The following PICALM variants were observed in gnomAD, a reference collection of about 807,000 sequenced individuals.
PICALM encodes phosphatidylinositol binding clathrin assembly protein.
In PICALM, 40 loss-of-function variants were observed where a neutral mutation model predicts 80.5. That is an observed-to-expected ratio of 0.50 (90% CI 0.39 to 0.65). The LOEUF (loss-of-function observed/expected upper bound fraction) is 0.65. Among genes scored for constraint, PICALM ranks in the 30% least tolerant of loss-of-function variants. The pLI is 0.00. For missense variants in PICALM, 676 were observed against 778.9 expected (o/e 0.87, Z 1.57); for synonymous variants, 288 against 260.3 (o/e 1.11, Z -1.02).
intron 4 of PICALM, among the ~76,000 whole-genome samples, chr11:86,016,748 G>A (rs1238137548): frequency 6.6e-6 from 1 of 152,088 alleles, no homozygotes; most frequent in Non-Finnish European, 1.5e-5. Flanking sequence ...AATCCTCTTA[G>A]CCGTCTCTAA....
rs2135755442 is a variant in PICALM at position 85,983,844 on chromosome 11, T to A, written c.1516+22A>T. The A allele has an allele frequency of 3.1e-6, 3 of 957,184 alleles. No homozygotes were observed. The Admixed American group carries it at 6.2e-5, about 20-fold the overall frequency. 59.3% of individuals were successfully genotyped at this position (957,184 alleles called of 1,614,324 possible). The stretch of plus-strand genomic sequence containing the variant: ...CTAAATTAGGACATTATAATATTTT[T>A]AATAAAATTTTTTTTCCTTACCCCC... On this transcript the variant is annotated intron_variant, in intron 14 of 19. Coordinates refer to ENST00000393346, the MANE Select transcript of PICALM (RefSeq NM_007166.4).
intron 19 of PICALM, chr11:85,960,777 G>C: frequency 7.9e-7 from 1 of 1,271,372 alleles, no homozygotes; most frequent in Non-Finnish European, 1.0e-6. Flanking sequence ...GCTGCCGACA[G>C]CTGGGGGAAA....
intron 3 of PICALM, chr11:86,023,607 A>T: frequency 1.0e-6 from 1 of 980,722 alleles, no homozygotes; most frequent in Non-Finnish European, 1.2e-6. Flanking sequence ...ATCTTAAGAA[A>T]ATGATAAATC....
At chr11:86,049,227 G>A (rs1167622564) in intron 1 of PICALM, among the ~76,000 whole-genome samples, 1 of 152,146 alleles carries the variant, frequency 6.6e-6, no homozygotes, top group Non-Finnish European at 1.5e-5. Context: ...CCAGTGCAGT[G>A]AGCTGAGATT....
chr11:85,975,030 T>C (rs1370429800), intron 18 of PICALM, among the ~76,000 whole-genome samples: 1 of 152,196 alleles, frequency 6.6e-6, no homozygotes, highest in Admixed American at 6.5e-5. Context: ...TTTTAAAATG[T>C]AGTAACAAAG....
chr11:86,033,553 C>T (rs1286207740), intron 1 of PICALM, among the ~76,000 whole-genome samples: 1 of 152,178 alleles, frequency 6.6e-6, no homozygotes, highest in Non-Finnish European at 1.5e-5. Flanking sequence ...ATTAGATAAA[C>T]TTCCCTGAAT....
intron 14 of PICALM, among the ~76,000 whole-genome samples, chr11:85,982,739 T>C (rs1221637335): frequency 6.6e-6 from 1 of 152,096 alleles, no homozygotes; most frequent in Non-Finnish European, 1.5e-5. Flanking sequence ...GACCTTTTTT[T>C]TAAAAGCAGA....
intron 1 of PICALM, among the ~76,000 whole-genome samples, chr11:86,049,104 C>A (rs541311320): frequency 5.9e-5 from 9 of 152,182 alleles, no homozygotes; most frequent in African/African-American, 2.2e-4. Context: ...ACCAGCCTGA[C>A]CAACATGGCA....
At chr11:85,970,197 A>T (rs1436565273) in intron 19 of PICALM, among the ~76,000 whole-genome samples, 3 of 152,226 alleles carry the variant, frequency 2.0e-5, no homozygotes, top group Non-Finnish European at 4.4e-5. Context: ...GACTGGATGG[A>T]TGCCAGGTAG....
At chr11:86,007,458 TG>T (rs2095302392) in intron 8 of PICALM, 83 bp downstream of exon 8, 5 of 775,774 alleles carry the variant, frequency 6.4e-6, no homozygotes, top group African/African-American at 1.8e-5. Context: ...CCTTTGACAA[TG>T]GGGGCTATAT....
intron 16 of PICALM, 107 bp downstream of exon 16, chr11:85,981,638 T>A: frequency 1.3e-6 from 1 of 765,052 alleles, no homozygotes; most frequent in Non-Finnish European, 2.2e-6. Flanking sequence ...AGACTTGATA[T>A]CTCTACACAT....
intron 7 of PICALM, 57 bp from the exon 8 acceptor site, chr11:86,007,640 T>G (rs1592833349): frequency 1.3e-6 from 1 of 789,300 alleles, no homozygotes. Flanking sequence ...ATAAATAAAA[T>G]TTGGAAAAAT....
intron 1 of PICALM, among the ~76,000 whole-genome samples, chr11:86,038,882 A>C (rs2095894181): frequency 6.6e-6 from 1 of 151,664 alleles, no homozygotes; most frequent in South Asian, 2.1e-4. Context: ...GGTCAAGGAG[A>C]ACGGATCACT....
chr11:86,039,282 A>T (rs1198491475), intron 1 of PICALM, among the ~76,000 whole-genome samples: 1 of 152,162 alleles, frequency 6.6e-6, no homozygotes, highest in East Asian at 1.9e-4. Context: ...GTAGTCAGCT[A>T]CTTGGAAGGC....
intron 4 of PICALM, among the ~76,000 whole-genome samples, chr11:86,016,286 T>C (rs1245805204): frequency 1.3e-5 from 2 of 152,238 alleles, no homozygotes; most frequent in Admixed American, 1.3e-4. Flanking sequence ...AGAAACCACA[T>C]CATCCTAGCC....
chr11:86,015,732 C>T (rs1220057151), intron 4 of PICALM, among the ~76,000 whole-genome samples: 3 of 152,056 alleles, frequency 2.0e-5, no homozygotes, highest in Non-Finnish European at 4.4e-5. Context: ...TCAGAGATTG[C>T]CCTATCATTT....
intron 19 of PICALM, among the ~76,000 whole-genome samples, chr11:85,965,807 G>GTT (rs142410273): frequency 0.01 from 798 of 79,256 alleles, 49 homozygotes; most frequent in Non-Finnish European, 0.012. Context: ...TACCCATTTT[G>GTT]TTTTTTTGTT....
At chr11:85,967,963 T>G (rs1331118496) in intron 19 of PICALM, among the ~76,000 whole-genome samples, 1 of 152,074 alleles carries the variant, frequency 6.6e-6, no homozygotes, top group Non-Finnish European at 1.5e-5. Flanking sequence ...AGCAGCCATT[T>G]TGCATCTTTA....
chr11:86,055,828 G>C (rs1019760600), intron 1 of PICALM, among the ~76,000 whole-genome samples: 1 of 152,022 alleles, frequency 6.6e-6, no homozygotes, highest in Non-Finnish European at 1.5e-5. Flanking sequence ...TATATCGAAA[G>C]CACAATCGAA....
Sources: gnomAD v4.1 joint callset for allele counts (sites outside exome capture counted in the v4.1 genomes callset) on GRCh38, gnomAD v4.1.1 for gene constraint, MANE v1.5 for transcripts, NCBI Gene and HGNC (gene_info 2026-07-23, HGNC 2026-07-21) for gene names.